The following CCDC88A variants were observed in gnomAD, a reference collection of about 807,000 sequenced individuals.
CCDC88A encodes coiled-coil and HOOK domain protein 88A, also known as girdin.
Under a neutral mutation model 234.3 loss-of-function variants are expected in CCDC88A, and 54 were observed. The ratio of observed to expected loss-of-function variants is 0.23; its 90% CI spans 0.19 to 0.29. The LOEUF (loss-of-function observed/expected upper bound fraction) is 0.29. CCDC88A is among the 10% of genes least tolerant of loss of function. The probability of loss-of-function intolerance (pLI) is 1.00; values close to 1 mark genes in which losing one functional copy is unlikely to be tolerated. For missense variants in CCDC88A, 1,832 were observed against 2,123.4 expected (o/e 0.86, Z 2.70); for synonymous variants, 753 against 737.8 (o/e 1.02, Z -0.33).
intron 2 of CCDC88A, 163 bp downstream of exon 2, chr2:55,418,653 G>C (rs939351589): frequency 1.6e-6 from 1 of 623,618 alleles, no homozygotes; most frequent in African/African-American, 1.8e-5. Context: ...GTGATAATGG[G>C]CTGAGCCCAT....
chr2:55,371,803 CAG>C lies in CCDC88A; in HGVS notation c.402+647_402+648del, dbSNP rs1289857755. Among the ~76,000 whole-genome samples the C allele has an allele frequency of 2.0e-5, 3 of 152,064 alleles. No homozygotes were observed. In the East Asian group the frequency reaches 5.8e-4, roughly 29 times the overall value. On this transcript the variant is annotated intron_variant, in intron 5 of 32. Transcript: ENST00000436346. Reference sequence around the variant, plus strand: ...GCCTAGCCCACTCTATAATTATTAACAGTACCTTCTTTGACTTTCGCAAGTGT... The same window carrying C: ...GCCTAGCCCACTCTATAATTATTAACTACCTTCTTTGACTTTCGCAAGTGT...
chr2:55,419,750 A>C lies in CCDC88A; in HGVS notation c.-671T>G. On this transcript the variant is annotated 5_prime_UTR_variant, in exon 1 of 33. Coordinates refer to ENST00000436346, the MANE Select transcript of CCDC88A (RefSeq NM_001365480.1). Reference sequence around the variant, plus strand: ...CTTGAATGTGTGTCCCTAACCCCCCAGCTTCCTAAGCCCTGCCAGCCTTTC... The same window carrying C: ...CTTGAATGTGTGTCCCTAACCCCCCCGCTTCCTAAGCCCTGCCAGCCTTTC... 6.7e-6 allele frequency: 1 copy of C among 149,730 alleles called. No homozygotes were observed. The highest frequency in any genetic ancestry group is 2.5e-5 in the African/African-American group (1 of 40,180). 9.3% of individuals were successfully genotyped at this position (149,730 alleles called of 1,614,324 possible).
chr2:55,351,832 A>C (rs995808628), intron 8 of CCDC88A, among the ~76,000 whole-genome samples: 8 of 152,222 alleles, frequency 5.3e-5, no homozygotes, highest in Non-Finnish European at 8.8e-5. Context: ...ATGCCTGTCA[A>C]CCAAAAAATG....
In CCDC88A at chr2:55,288,855, G is replaced by A. The variant is rs978157195; in HGVS notation, c.*2345C>T. 6.6e-6 allele frequency: 1 copy of A among 152,156 alleles called. No individual in the cohort carries two copies. The highest frequency in any genetic ancestry group is 2.4e-5 in the African/African-American group (1 of 41,440). The allele number at this position is 152,156 out of a possible 1,614,324, so 9.4% of individuals were successfully genotyped here. ...TTCCAGTTGGCTTTATTATTGTTTG[G>A]CAGAAGTTGTTTAGGGGAGAAGAGT... On this transcript the variant is annotated 3_prime_UTR_variant, in exon 33 of 33. Coordinates refer to ENST00000436346, the MANE Select transcript of CCDC88A (RefSeq NM_001365480.1).
At chr2:55,409,231 C>G (rs916114478) in intron 2 of CCDC88A, among the ~76,000 whole-genome samples, 1 of 152,272 alleles carries the variant, frequency 6.6e-6, no homozygotes, top group South Asian at 2.1e-4. Context: ...ATTCCTCCAC[C>G]GTTATTTACA....
intron 2 of CCDC88A, among the ~76,000 whole-genome samples, chr2:55,411,781 A>AG (rs1680523920): frequency 5.1e-5 from 5 of 97,826 alleles, no homozygotes; most frequent in Non-Finnish European, 6.2e-5. Context: ...CTCCGTCTCA[A>AG]AAAAAAAAAA....
At chr2:55,360,530 C>A (rs1184055122) in intron 7 of CCDC88A, among the ~76,000 whole-genome samples, 2 of 152,162 alleles carry the variant, frequency 1.3e-5, no homozygotes, top group Non-Finnish European at 2.9e-5. Flanking sequence ...GTATCTGAGA[C>A]AGAAGAGTAT....
chr2:55,300,148 T>A (rs1335655101), intron 28 of CCDC88A: 1 of 456,708 alleles, frequency 2.2e-6, no homozygotes, highest in Non-Finnish European at 4.0e-6. Context: ...AGTGCATATT[T>A]AGATTTGAAA....
Position 55,343,852 on chromosome 2 carries a change from A to T in CCDC88A, c.1189-60T>A, listed in dbSNP as rs114948480. 1,101 of 1,325,814 alleles carry T rather than the reference A, an allele frequency of 8.3e-4. 9 individuals are homozygous for T. In the African/African-American group the frequency reaches 0.015, roughly 18 times the overall value. The allele number at this position is 1,325,814 out of a possible 1,614,324, so 82.1% of individuals were successfully genotyped here. A position where few individuals can be genotyped will look rare whatever the true frequency, so the allele number is the denominator to read the frequency against. The stretch of plus-strand genomic sequence containing the variant: ...GCTAAGAAACAGTACAATTTTGAGC[A>T]AATACTTTATTTCTCACAACTTTTA... On this transcript the variant is annotated intron_variant, in intron 11 of 32. Transcript: ENST00000436346.
intron 23 of CCDC88A, among the ~76,000 whole-genome samples, chr2:55,310,940 C>G (rs945464919): frequency 6.6e-6 from 1 of 152,178 alleles, no homozygotes; most frequent in Non-Finnish European, 1.5e-5. Context: ...GACCACGTAA[C>G]AAAGGCATTT....
intron 3 of CCDC88A, among the ~76,000 whole-genome samples, chr2:55,385,931 G>C (rs146284288): frequency 2.3e-5 from 3 of 132,550 alleles, no homozygotes; most frequent in East Asian, 4.8e-4. Context: ...AGAGCAAAAA[G>C]AATCCAGAGA....
At chr2:55,379,612 G>T (rs1054323939) in intron 3 of CCDC88A, among the ~76,000 whole-genome samples, 1 of 152,170 alleles carries the variant, frequency 6.6e-6, no homozygotes, top group Non-Finnish European at 1.5e-5. Context: ...AGTGTTTTTG[G>T]TGATAAATGC....
chr2:55,382,295 T>C lies in CCDC88A; in HGVS notation c.273+6483A>G, dbSNP rs563823762. Among the ~76,000 whole-genome samples, 2 of 152,358 alleles carry C rather than the reference T, an allele frequency of 1.3e-5. 1 individual carries two copies. Among genetic ancestry groups the C allele is most frequent in the South Asian group, 4.1e-4 (2 of 4,830 alleles). ...TCTGTAGCAACTGGATTAATGGTAC[T>C]GGAATCTGTTCTTTGTTTTTGATAC... On this transcript the variant is annotated intron_variant, in intron 3 of 32. Transcript: ENST00000436346.
In CCDC88A at chr2:55,317,401, A is replaced by AAG; in HGVS notation, c.3603-53_3603-52insCT. On this transcript the variant is annotated intron_variant, in intron 20 of 32. Transcript: ENST00000436346. The surrounding 1 kb of genome is among the most constrained non-coding windows in gnomAD (Gnocchi z 4.2). ...ATAATATTTACAAAAAAGAAATTTTAGAAATGAAGGAAATGAGTAATGAGT... is the reference window on the plus strand; with the variant it reads ...ATAATATTTACAAAAAAGAAATTTTAAGGAAATGAAGGAAATGAGTAATGAGT... 1 of 1,347,058 alleles carries AAG rather than the reference A, an allele frequency of 7.4e-7. No homozygotes were observed. Among genetic ancestry groups the AAG allele is most frequent in the Non-Finnish European group, 9.8e-7 (1 of 1,015,984 alleles). The allele number at this position is 1,347,058 out of a possible 1,614,324, so 83.4% of individuals were successfully genotyped here.
At chr2:55,382,193 A>G (rs1674707671) in intron 3 of CCDC88A, among the ~76,000 whole-genome samples, 1 of 152,178 alleles carries the variant, frequency 6.6e-6, no homozygotes. Flanking sequence ...GTTGCTTATT[A>G]TAACAGACAT....
intron 5 of CCDC88A, among the ~76,000 whole-genome samples, chr2:55,371,777 C>A (rs200145180): frequency 4.8e-4 from 46 of 95,614 alleles, no homozygotes; most frequent in African/African-American, 1.7e-3. Flanking sequence ...TGAGCCACCA[C>A]GCCTAGCCCA....
At position 55,299,939 on chromosome 2, in the gene CCDC88A, G is replaced by A. The variant is rs1479164036; in HGVS notation, c.4745-20C>T. The A allele has an allele frequency of 5.6e-5, 88 of 1,579,570 alleles. No homozygotes were observed. The highest frequency in any genetic ancestry group is 7.5e-5 in the Non-Finnish European group (86 of 1,149,282). ...TTGAAGCTAAATGAAAAAACCAGGA[G>A]ACAGTGTGATAAAACTTCTAGCTGA... is the stretch of plus-strand genomic sequence containing the variant. On this transcript the variant is annotated intron_variant, in intron 28 of 32. Coordinates refer to ENST00000436346, the MANE Select transcript of CCDC88A (RefSeq NM_001365480.1).
Position 55,332,954 on chromosome 2 carries a change from T to G in CCDC88A, c.2728-261A>C, listed in dbSNP as rs917725435. On this transcript the variant is annotated intron_variant, in intron 15 of 32. Transcript: ENST00000436346. The surrounding 1 kb of genome is among the most constrained non-coding windows in gnomAD (Gnocchi z 4.5). ...TTTACTTGTGAATACACATTTAGGT[T>G]TGAAAACTGGGGAAAATCATATCCA... Among the ~76,000 whole-genome samples the G allele has an allele frequency of 1.3e-5, 2 of 152,182 alleles. No homozygotes were observed. The highest frequency in any genetic ancestry group is 6.5e-5 in the Admixed American group (1 of 15,278).
At chr2:55,411,766 T>A (rs1574520302) in intron 2 of CCDC88A, among the ~76,000 whole-genome samples, 2 of 96,124 alleles carry the variant, frequency 2.1e-5, no homozygotes, top group East Asian at 3.1e-4. Context: ...GACGACAGAG[T>A]AAGACTCCGT....
Sources: gnomAD v4.1 joint callset for allele counts (sites outside exome capture counted in the v4.1 genomes callset) on GRCh38, gnomAD v4.1.1 for gene constraint, Gnocchi (gnomAD v3.1) non-coding constraint, MANE v1.5 for transcripts, NCBI Gene and HGNC (gene_info 2026-07-23, HGNC 2026-07-21) for gene names.